The following ZNF577 variants were observed in gnomAD, a reference collection of about 807,000 sequenced individuals.
ZNF577 encodes zinc finger protein 577.
ZNF577 carries 14 observed loss-of-function variants against 13.9 expected under a neutral mutation model. That is an observed-to-expected ratio of 1.00 (90% CI 0.66 to 1.57). ZNF577 has a LOEUF of 1.57. Ranked by LOEUF, ZNF577 falls within the 40% of genes most tolerant of loss-of-function variation. ZNF577 has a pLI of 0.00. For missense variants in ZNF577, 555 were observed against 579.2 expected (o/e 0.96, Z 0.43); for synonymous variants, 203 against 202.9 (o/e 1.00, Z 0.00).
chr19:51,821,446 A>G (rs1293148748), intron 9 of ZNF577, among the ~76,000 whole-genome samples: 4 of 152,168 alleles, frequency 2.6e-5, no homozygotes, highest in Non-Finnish European at 5.9e-5. Context: ...GTGTTGCTAA[A>G]TATCCTACTG....
chr19:51,870,983 T>C lies in ZNF577; in HGVS notation c.*1549A>G, dbSNP rs1160919017. Among the ~76,000 whole-genome samples the C allele has an allele frequency of 1.3e-5, 2 of 152,238 alleles. No homozygotes were observed. The highest frequency in any genetic ancestry group is 2.4e-5 in the African/African-American group (1 of 41,466). On this transcript the variant is annotated 3_prime_UTR_variant, in exon 6 of 6. Transcript: ENST00000638348. ...TAGATATTTAAGGCAGGAGATTATATACATTAGACATTTACTGTAAAAGAA... is the reference window on the plus strand; with the variant it reads ...TAGATATTTAAGGCAGGAGATTATACACATTAGACATTTACTGTAAAAGAA...
intron 4 of ZNF577, chr19:51,877,579 A>G: frequency 2.4e-6 from 1 of 414,234 alleles, no homozygotes; most frequent in South Asian, 6.6e-5. Context: ...GATGGCTACT[A>G]TCAAAAAAAC....
intron 5 of ZNF577, among the ~76,000 whole-genome samples, chr19:51,854,496 A>ATTTTTTTTTTT (rs780953746): frequency 8.1e-6 from 1 of 123,216 alleles, no homozygotes; most frequent in Non-Finnish European, 1.6e-5. Context: ...GCCCAGCTAA[A>ATTTTTTTTTTT]TTTTTTTTTT....
chr19:51,811,252 C>T (rs897020682), intron 10 of ZNF577, among the ~76,000 whole-genome samples: 4 of 141,424 alleles, frequency 2.8e-5, no homozygotes, highest in Non-Finnish European at 6.4e-5. Flanking sequence ...AGGGTGCTGC[C>T]TGTGGAAACC....
rs748633136 is a variant in ZNF577, at chr19:51,835,827, G to A, written c.*599+4066C>T. Reference sequence around the variant, plus strand: ...CCTGTCTCAGCCTCCTGAGTAGCTCGAATCACAGATGCCTGCCACCACGCC... The same window carrying A: ...CCTGTCTCAGCCTCCTGAGTAGCTCAAATCACAGATGCCTGCCACCACGCC... On this transcript the variant is annotated intron_variant and NMD_transcript_variant, in intron 9 of 10. Transcript: ENST00000638827. 3.3e-5 allele frequency among the ~76,000 whole-genome samples: 5 copies of A among 152,062 alleles called. No individual in the cohort carries two copies. In the East Asian group the frequency reaches 7.7e-4, roughly 23 times the overall value.
intron 5 of ZNF577, among the ~76,000 whole-genome samples, chr19:51,856,895 C>A (rs2122581705): frequency 6.6e-6 from 1 of 151,682 alleles, no homozygotes; most frequent in South Asian, 2.1e-4. Context: ...CTAGAAGCAG[C>A]ATGATTTGAA....
intron 1 of ZNF577, among the ~76,000 whole-genome samples, chr19:51,884,288 T>A (rs920682183): frequency 6.6e-6 from 1 of 152,106 alleles, no homozygotes; most frequent in Non-Finnish European, 1.5e-5. Context: ...GGTTATAAAT[T>A]TTTTTAATGA....
At chr19:51,811,521 T>A (rs2084096316) in exon 10 of ZNF577, 1 of 152,272 alleles carries the variant, frequency 6.6e-6, no homozygotes, top group Non-Finnish European at 1.5e-5. Context: ...ATTTGCGTTG[T>A]CAATTTCAGT....
Position 51,867,999 on chromosome 19 carries a change from C to T in ZNF577, c.*4533G>A, listed in dbSNP as rs978118165. Among the ~76,000 whole-genome samples the T allele has an allele frequency of 5.3e-5, 8 of 152,122 alleles. No homozygotes were observed. Among genetic ancestry groups the T allele is most frequent in the Non-Finnish European group, 1.2e-4 (8 of 68,030 alleles). On this transcript the variant is annotated 3_prime_UTR_variant, in exon 6 of 6. Transcript: ENST00000638348. ...AGGCAAGTTCTGGTGGGAGAGCTGA[C>T]ACTGGATTTCTACTCTGAGGTCTGG...
intron 1 of ZNF577, chr19:51,885,997 T>C (rs1367831296): frequency 2.0e-5 from 3 of 152,108 alleles, no homozygotes; most frequent in African/African-American, 4.8e-5. Flanking sequence ...CTTAGATGAT[T>C]TTCACAACAA....
chr19:51,818,924 C>A (rs2084166638), intron 9 of ZNF577, among the ~76,000 whole-genome samples: 1 of 152,112 alleles, frequency 6.6e-6, no homozygotes, highest in Admixed American at 6.5e-5. Flanking sequence ...TGGATTTTAG[C>A]AGAGGGAATA....
intron 9 of ZNF577, among the ~76,000 whole-genome samples, chr19:51,828,732 C>T (rs75345920): frequency 6.6e-6 from 1 of 152,260 alleles, no homozygotes; most frequent in East Asian, 1.9e-4. Context: ...CTTCCTGTAT[C>T]AGGCCTGGTC....
In ZNF577 at chr19:51,872,577, T is replaced by C. The variant is rs780576659; in HGVS notation, c.1413A>G (p.Ser471=). 6.2e-7 allele frequency: 1 copy of C among 1,610,462 alleles called. No individual in the cohort carries two copies. The highest frequency in any genetic ancestry group is 8.5e-7 in the Non-Finnish European group (1 of 1,178,704). Residue 471 remains serine, a synonymous_variant, in exon 6 of 6, where the codon TCA becomes TCG. Coordinates refer to ENST00000638348, the MANE Select transcript of ZNF577 (RefSeq NM_001370449.1). ...SLTNEVNVAP[S]VINYILYLTD... is the part of the protein sequence containing the mutation. ...TAAGATACAAGATATAATTTATTAC[T>C]GATGGGGCCACATTCACTTCATTTG...
At chr19:51,852,757 T>C (rs1268245627) in intron 5 of ZNF577, among the ~76,000 whole-genome samples, 2 of 152,198 alleles carry the variant, frequency 1.3e-5, no homozygotes, top group African/African-American at 4.8e-5. Flanking sequence ...CTGAGTGGTA[T>C]TACACAGTTG....
At chr19:51,831,682 C>A (rs1379077475) in intron 9 of ZNF577, among the ~76,000 whole-genome samples, 1 of 152,174 alleles carries the variant, frequency 6.6e-6, no homozygotes, top group Non-Finnish European at 1.5e-5. Flanking sequence ...AGCTTCCCAT[C>A]ATGCTAATAA....
At chr19:51,848,837 T>C (rs966871898) in intron 5 of ZNF577, among the ~76,000 whole-genome samples, 7 of 152,196 alleles carry the variant, frequency 4.6e-5, no homozygotes, top group Non-Finnish European at 2.9e-5. Flanking sequence ...TTGTAAGGAG[T>C]TGTACATCTA....
At chr19:51,826,918 T>C (rs2084235041) in intron 9 of ZNF577, among the ~76,000 whole-genome samples, 1 of 152,036 alleles carries the variant, frequency 6.6e-6, no homozygotes, top group Non-Finnish European at 1.5e-5. Context: ...GGTCAGTCAG[T>C]TGCTAGAATG....
chr19:51,839,285 T>G (rs2084305974), intron 9 of ZNF577, among the ~76,000 whole-genome samples: 1 of 152,114 alleles, frequency 6.6e-6, no homozygotes, highest in African/African-American at 2.4e-5. Context: ...TCCTAGTTAC[T>G]CAGCAGGCCG....
At chr19:51,811,938 C>A (rs529894438) in intron 9 of ZNF577, among the ~76,000 whole-genome samples, 1 of 152,268 alleles carries the variant, frequency 6.6e-6, no homozygotes, top group East Asian at 1.9e-4. Flanking sequence ...CGGCTCCCTG[C>A]AAGGATCCCA....
Sources: gnomAD v4.1 joint callset for allele counts (sites outside exome capture counted in the v4.1 genomes callset) on GRCh38, gnomAD v4.1.1 for gene constraint, MANE v1.5 for transcripts, NCBI Gene and HGNC (gene_info 2026-07-23, HGNC 2026-07-21) for gene names.